Variants in SCP2 observed in about 807,000 individuals in gnomAD.
SCP2 encodes the protein SCP-2/3-oxoacyl-CoA thiolase.
In SCP2, 48 loss-of-function variants were observed where a neutral mutation model predicts 71.4. The ratio of observed to expected loss-of-function variants is 0.67; its 90% confidence interval spans 0.53 to 0.86. The LOEUF (loss-of-function observed/expected upper bound fraction) is 0.86. Among genes scored for constraint, SCP2 ranks in the 40% least tolerant of loss-of-function variants. SCP2 has a pLI of 0.00. For synonymous variants in SCP2, 220 were observed against 218.1 expected, an observed-to-expected ratio of 1.01 and a Z score of -0.08; for missense variants, 560 against 655.6, an observed-to-expected ratio of 0.85 and a Z score of 1.59.
intron 2 of SCP2, 118 bp downstream of exon 2, chr1:52,941,971 C>G (rs565208372): frequency 2.8e-6 from 2 of 724,142 alleles, no homozygotes; most frequent in Admixed American, 4.2e-5. Flanking sequence ...GAGAAGAACC[C>G]GTACAGAGAA....
Position 52,947,618 on chromosome 1 carries a change from A to G in SCP2, c.128-391A>G, listed in dbSNP as rs188458936. Among the ~76,000 whole-genome samples, 112 of 152,318 alleles carry G rather than the reference A, an allele frequency of 7.4e-4. 1 individual carries two copies. Among genetic ancestry groups the G allele is most frequent in the African/African-American group, 2.3e-3 (96 of 41,580 alleles). ...GATCTTTTCTTTGTAAGATGAGCAC[A>G]TTAGTGCTATCTGCTCCCAGTAATG... On this transcript the variant is annotated intron_variant, in intron 2 of 15. Transcript: ENST00000371514.
chr1:53,048,006 C>A (rs1308897256), intron 15 of SCP2, 69 bp downstream of exon 15: 2 of 1,077,654 alleles, frequency 1.9e-6, no homozygotes, highest in African/African-American at 1.6e-5. Flanking sequence ...CATCTCCTGA[C>A]TCAGACTCTA....
chr1:53,000,821 G>A (rs1660268785), intron 11 of SCP2, among the ~76,000 whole-genome samples: 1 of 152,010 alleles, frequency 6.6e-6, no homozygotes, highest in South Asian at 2.1e-4. Flanking sequence ...CGGGCCTGAT[G>A]GTGCATACCT....
intron 11 of SCP2, chr1:52,994,243 G>A (rs1413741174): frequency 2.0e-6 from 2 of 1,009,818 alleles, no homozygotes; most frequent in African/African-American, 3.5e-5. Flanking sequence ...GCCTTTAAGA[G>A]TTATGCTGTA....
intron 13 of SCP2, among the ~76,000 whole-genome samples, chr1:53,032,119 A>T (rs1445813970): frequency 6.6e-6 from 1 of 152,234 alleles, no homozygotes; most frequent in African/African-American, 2.4e-5. Context: ...GAATGTGAAG[A>T]AGACTTTGAA....
chr1:53,026,540 G>C (rs566837989), intron 12 of SCP2, among the ~76,000 whole-genome samples: 2 of 151,642 alleles, frequency 1.3e-5, no homozygotes, highest in African/African-American at 4.8e-5. Flanking sequence ...AGGCACAGTG[G>C]CTCACATCTG....
At chr1:53,002,369 A>G (rs2150211038) in intron 11 of SCP2, among the ~76,000 whole-genome samples, 1 of 152,334 alleles carries the variant, frequency 6.6e-6, no homozygotes, top group East Asian at 1.9e-4. Flanking sequence ...GCATGGAGCA[A>G]AGGGAATACA....
chr1:53,017,406 A>T (rs541908549), intron 12 of SCP2, among the ~76,000 whole-genome samples: 2 of 152,206 alleles, frequency 1.3e-5, no homozygotes, highest in African/African-American at 4.8e-5. Flanking sequence ...TCTGTTTTCC[A>T]CCCATGTAGT....
intron 9 of SCP2, among the ~76,000 whole-genome samples, chr1:52,979,426 C>T (rs1364533904): frequency 6.6e-6 from 1 of 152,008 alleles, no homozygotes; most frequent in Non-Finnish European, 1.5e-5. Flanking sequence ...AGCGATTCAC[C>T]TGCCTCGGCC....
chr1:52,949,636 G>T (rs1655115300), intron 3 of SCP2, among the ~76,000 whole-genome samples: 2 of 152,096 alleles, frequency 1.3e-5, no homozygotes, highest in African/African-American at 4.8e-5. Context: ...TTTAAAAGAG[G>T]CAAAGGCAGA....
chr1:52,977,731 C>T (rs560493682), intron 8 of SCP2, among the ~76,000 whole-genome samples: 7 of 152,264 alleles, frequency 4.6e-5, no homozygotes, highest in African/African-American at 7.2e-5. Context: ...AAGGCCGAGG[C>T]GGGCGGATCA....
Position 52,974,828 on chromosome 1 carries a change from AACCCG to A in SCP2, c.584_587+1del. The A allele has an allele frequency of 7.0e-7, 1 of 1,433,456 alleles. No homozygotes were observed. The highest frequency in any genetic ancestry group is 1.1e-5 in the South Asian group (1 of 87,296). 88.8% of individuals were successfully genotyped at this position (1,433,456 alleles called of 1,614,324 possible). On this transcript the variant is annotated splice_donor_variant and coding_sequence_variant, in exon 7 of 16. Transcript: ENST00000371514. LOFTEE classifies it high-confidence loss of function. ...GAAAAATCATAAACATTCAGTTAATAACCCGTAAGTATTTCAGAGACATGAAATAA... is the reference window on the plus strand; with the variant it reads ...GAAAAATCATAAACATTCAGTTAATATAAGTATTTCAGAGACATGAAATAA...
chr1:53,028,133 T>C, intron 13 of SCP2, 62 bp downstream of exon 13: 1 of 917,992 alleles, frequency 1.1e-6, no homozygotes, highest in East Asian at 2.5e-5. Flanking sequence ...AGACACAGGT[T>C]TCAGGTGTTG....
At chr1:52,961,166 G>A (rs1350805643) in intron 5 of SCP2, among the ~76,000 whole-genome samples, 6 of 147,978 alleles carry the variant, frequency 4.1e-5, no homozygotes, top group African/African-American at 1.0e-4. Flanking sequence ...CCATGTTGGT[G>A]TGCTGCATCC....
Position 53,034,915 on chromosome 1 carries a change from C to G in SCP2, c.1339-4002C>G, listed in dbSNP as rs1292030095. On this transcript the variant is annotated intron_variant, in intron 13 of 15. Transcript: ENST00000371514. ...GGTCAGGAGATTGAGACCATCTTGGCTAACACGGTGAAACCCCGTCTCTAC... is the reference window on the plus strand; with the variant it reads ...GGTCAGGAGATTGAGACCATCTTGGGTAACACGGTGAAACCCCGTCTCTAC... Among the ~76,000 whole-genome samples, 3 of 152,088 alleles carry G rather than the reference C, an allele frequency of 2.0e-5. No individual in the cohort carries two copies. The South Asian group carries it at 6.2e-4, about 32-fold the overall frequency.
rs1423117538 is a variant in SCP2, at chr1:53,038,990, A to T, written c.1412A>T (p.Glu471Val). 1 of 1,614,008 alleles carries T rather than the reference A, an allele frequency of 6.2e-7. No homozygotes were observed. The highest frequency in any genetic ancestry group is 1.3e-5 in the African/African-American group (1 of 74,926). The part of the protein sequence containing the change: ...FKVKDGPGGK[E>V]ATWVVDVKNG... ...GTGAAAGATGGCCCTGGGGGTAAAG[A>T]GGCCACCTGGGTGGTGGATGTGAAG... The change falls in exon 14 of 16, where the codon GAG (glutamate) becomes GTG (valine). Residue 471 changes from glutamate (E) to valine (V), a missense_variant. Coordinates refer to ENST00000371514, the MANE Select transcript of SCP2 (RefSeq NM_002979.5).
intron 13 of SCP2, among the ~76,000 whole-genome samples, chr1:53,030,724 T>A (rs1662478479): frequency 1.3e-5 from 2 of 151,696 alleles, no homozygotes; most frequent in Admixed American, 1.3e-4. Context: ...AAACCCTGTC[T>A]CTACTAAAAA....
intron 5 of SCP2, among the ~76,000 whole-genome samples, chr1:52,960,195 C>A (rs535030069): frequency 6.6e-6 from 1 of 152,148 alleles, no homozygotes; most frequent in African/African-American, 2.4e-5. Flanking sequence ...GGCCTATATT[C>A]TTTTTTCTAG....
intron 2 of SCP2, among the ~76,000 whole-genome samples, chr1:52,946,921 A>G (rs1654849755): frequency 6.6e-6 from 1 of 151,618 alleles, no homozygotes; most frequent in Non-Finnish European, 1.5e-5. Flanking sequence ...GTGTGGTGGT[A>G]GGCGCCTATT....
Sources: gnomAD v4.1 joint callset for allele counts (sites outside exome capture counted in the v4.1 genomes callset) on GRCh38, gnomAD v4.1.1 for gene constraint, MANE v1.5 for transcripts, NCBI Gene and HGNC (gene_info 2026-07-23, HGNC 2026-07-21) for gene names.